The following AXDND1 variants were observed in gnomAD, a reference collection of about 807,000 sequenced individuals.
AXDND1 encodes the protein axonemal dynein light chain domain containing 1.
Under a neutral mutation model 137.5 loss-of-function variants are expected in AXDND1, and 110 were observed. The observed-to-expected ratio is 0.80, with a 90% CI of 0.69 to 0.94. AXDND1 has a LOEUF of 0.94. AXDND1 is among the 40% of genes least tolerant of loss of function. The probability of loss-of-function intolerance (pLI) is 0.00; values close to 1 mark genes in which losing one functional copy is unlikely to be tolerated. For synonymous variants in AXDND1, 414 were observed against 399.7 expected, an observed-to-expected ratio of 1.04 and a Z score of -0.43; for missense variants, 1,191 against 1,169.8, an observed-to-expected ratio of 1.02 and a Z score of -0.26.
chr1:179,422,629 C>A (rs1259913467), intron 12 of AXDND1, among the ~76,000 whole-genome samples: 1 of 152,186 alleles, frequency 6.6e-6, no homozygotes, highest in Non-Finnish European at 1.5e-5. Context: ...GTGAAATGTT[C>A]TGTAAATGTC....
intron 11 of AXDND1, among the ~76,000 whole-genome samples, chr1:179,402,336 T>C (rs983924122): frequency 2.0e-5 from 3 of 152,186 alleles, no homozygotes; most frequent in African/African-American, 7.2e-5. Flanking sequence ...TAGTCTTCTA[T>C]CCTTATACCT....
At position 179,411,184 on chromosome 1, in the gene AXDND1, G is replaced by A; in HGVS notation, c.1148G>A (p.Arg383Lys). 1 of 1,611,132 alleles carries A rather than the reference G, an allele frequency of 6.2e-7. No homozygotes were observed. The highest frequency in any genetic ancestry group is 8.5e-7 in the Non-Finnish European group (1 of 1,178,588). ...TATCATGACTTATATACATTACAAAGAGAAAGGATGGAGAATGATATGAAA... is the reference window on the plus strand; with the variant it reads ...TATCATGACTTATATACATTACAAAAAGAAAGGATGGAGAATGATATGAAA... ...EEYHDLYTLQ[R>K]ERMENDMKKL... The change falls in exon 12 of 26, where the codon AGA becomes AAA. Residue 383 changes from arginine (R) to lysine (K), a missense_variant. Physicochemically the swap from Arg to Lys is conservative, Grantham distance 26. Transcript: ENST00000367618.
At chr1:179,390,687 C>CTTGT (rs5779023) in intron 9 of AXDND1, among the ~76,000 whole-genome samples, 1 of 151,788 alleles carries the variant, frequency 6.6e-6, no homozygotes, top group African/African-American at 2.4e-5. Flanking sequence ...AATTAGGGCT[C>CTTGT]TACAATTTTC....
intron 15 of AXDND1, among the ~76,000 whole-genome samples, chr1:179,435,693 C>T (rs948325574): frequency 1.3e-5 from 2 of 152,116 alleles, no homozygotes; most frequent in African/African-American, 2.4e-5. Flanking sequence ...AAAATTTACT[C>T]AAGATGGATT....
At chr1:179,459,984 T>C (rs1395349260) in intron 16 of AXDND1, among the ~76,000 whole-genome samples, 99 of 143,176 alleles carry the variant, frequency 6.9e-4, no homozygotes, top group African/African-American at 2.4e-3. Flanking sequence ...TTTTTCTTTC[T>C]TTCTTTCCTT....
intron 12 of AXDND1, among the ~76,000 whole-genome samples, chr1:179,412,065 A>G (rs1305939796): frequency 1.3e-5 from 2 of 152,048 alleles, no homozygotes; most frequent in African/African-American, 2.4e-5. Context: ...TGCCCTGGAT[A>G]GTCTTGAACT....
At position 179,554,522 on chromosome 1, in the gene AXDND1, C is replaced by T; in HGVS notation, c.*3C>T. 6.2e-7 allele frequency: 1 copy of T among 1,614,134 alleles called. No homozygotes were observed. The highest frequency in any genetic ancestry group is 1.3e-5 in the African/African-American group (1 of 75,020). On this transcript the variant is annotated 3_prime_UTR_variant, in exon 26 of 26. Coordinates refer to ENST00000367618, the MANE Select transcript of AXDND1 (RefSeq NM_144696.6). ...ATTCCCCAAATACAGGTCACTGAAT[C>T]CAAGGCAACCTGTGGAAAGAAGAAT...
chr1:179,433,657 A>G (rs984846646), intron 15 of AXDND1, among the ~76,000 whole-genome samples: 1 of 152,160 alleles, frequency 6.6e-6, no homozygotes, highest in South Asian at 2.1e-4. Flanking sequence ...TTCAATTTCC[A>G]TGCAGTTGTA....
At chr1:179,522,610 A>T (rs1363801721) in intron 21 of AXDND1, among the ~76,000 whole-genome samples, 5 of 151,950 alleles carry the variant, frequency 3.3e-5, no homozygotes, top group Non-Finnish European at 5.9e-5. Context: ...AATCCATGAT[A>T]TATTATTGAG....
At chr1:179,448,327 G>GT in intron 16 of AXDND1, 1 of 742,332 alleles carries the variant, frequency 1.3e-6, no homozygotes, top group Non-Finnish European at 2.5e-6. Context: ...CACAGTCATA[G>GT]AGCACACTAA....
At position 179,412,580 on chromosome 1, in the gene AXDND1, G is replaced by A. The variant is rs146371776; in HGVS notation, c.1230+1314G>A. Among the ~76,000 whole-genome samples the A allele has an allele frequency of 2.6e-5, 4 of 152,160 alleles. No homozygotes were observed. The East Asian group carries it at 7.7e-4, about 29-fold the overall frequency. On this transcript the variant is annotated intron_variant, in intron 12 of 25. Coordinates refer to ENST00000367618, the MANE Select transcript of AXDND1 (RefSeq NM_144696.6). The stretch of plus-strand genomic sequence containing the variant: ...ATACTAGATAGTGGAATCAAGGCTT[G>A]TTATTTAGGAAAGTTCATTTACTTA...
Position 179,378,676 on chromosome 1 carries a change from A to G in AXDND1, c.414A>G (p.Gly138=), listed in dbSNP as rs753543979. Residue 138 remains glycine, a synonymous_variant, in exon 5 of 26, where the codon GGA becomes GGG. Transcript: ENST00000367618. The part of the protein sequence containing the change: ...SFLYDVTYAK[G]QTREKAVCPP... ...TGTACGATGTAACATATGCCAAAGG[A>G]CAGACTAGGGAGAAGGCAGTTTGTC... 1 of 1,597,432 alleles carries G rather than the reference A, an allele frequency of 6.3e-7. No homozygotes were observed. Among genetic ancestry groups the G allele is most frequent in the East Asian group, 2.3e-5 (1 of 44,068 alleles).
rs1558256571 is a variant in AXDND1, at chr1:179,488,641, T to TTCTTTCTTTC, written c.2092-2895_2092-2886dup. The stretch of plus-strand genomic sequence containing the variant: ...CTTTCTCTCTCTCTCTCTCCTTTCT[T>TTCTTTCTTTC]TCTTTCTTTCTTTCTTTCTTTCTTT... On this transcript the variant is annotated intron_variant, in intron 18 of 25. Coordinates refer to ENST00000367618, the MANE Select transcript of AXDND1 (RefSeq NM_144696.6). 2.3e-3 allele frequency among the ~76,000 whole-genome samples: 105 copies of TTCTTTCTTTC among 46,578 alleles called. 12 individuals are homozygous for TTCTTTCTTTC. The highest frequency in any genetic ancestry group is 3.4e-3 in the African/African-American group (40 of 11,678). 30.6% of individuals were successfully genotyped at this position (46,578 alleles called of 152,430 possible).
Position 179,393,891 on chromosome 1 carries a change from T to G in AXDND1, c.864-12T>G, listed in dbSNP as rs1043314459. 3.2e-6 allele frequency: 5 copies of G among 1,571,576 alleles called. No homozygotes were observed. Among genetic ancestry groups the G allele is most frequent in the African/African-American group, 1.4e-5 (1 of 72,326 alleles). ...ATCAGATCTAGGAGCTTTTTGGTTG[T>G]TTGTCATGCAGAGAGAGGTATGTGC... On this transcript the variant is annotated splice_polypyrimidine_tract_variant and intron_variant, in intron 9 of 25. Coordinates refer to ENST00000367618, the MANE Select transcript of AXDND1 (RefSeq NM_144696.6).
chr1:179,463,597 T>C (rs985383875), intron 16 of AXDND1, among the ~76,000 whole-genome samples: 3 of 152,212 alleles, frequency 2.0e-5, no homozygotes, highest in Non-Finnish European at 4.4e-5. Flanking sequence ...TATATTCTGT[T>C]GATTTGGGGT....
At chr1:179,367,566 G>A (rs568634420) in intron 2 of AXDND1, among the ~76,000 whole-genome samples, 2 of 151,094 alleles carry the variant, frequency 1.3e-5, no homozygotes, top group African/African-American at 2.4e-5. Flanking sequence ...GTGAAACCCG[G>A]TCTCTACTAA....
chr1:179,501,057 C>A (rs534166920), intron 20 of AXDND1, among the ~76,000 whole-genome samples: 61 of 152,298 alleles, frequency 4.0e-4, no homozygotes, highest in Non-Finnish European at 7.9e-4. Flanking sequence ...TACCAGGGAT[C>A]ATATTGGACC....
chr1:179,485,976 A>T (rs989844934), intron 18 of AXDND1, among the ~76,000 whole-genome samples: 4 of 151,956 alleles, frequency 2.6e-5, no homozygotes, highest in Non-Finnish European at 4.4e-5. Context: ...AAAATTAGCT[A>T]GGCATGGTGG....
chr1:179,419,123 A>G (rs1447266123), intron 12 of AXDND1, among the ~76,000 whole-genome samples: 1 of 146,184 alleles, frequency 6.8e-6, no homozygotes, highest in Non-Finnish European at 1.5e-5. Context: ...GACGCTCCTC[A>G]CTTTCCAGAC....
Sources: allele counts gnomAD v4.1 joint callset (sites outside exome capture counted in the v4.1 genomes callset), GRCh38; gene constraint gnomAD v4.1.1; transcripts MANE v1.5; gene names NCBI Gene and HGNC (gene_info 2026-07-23, HGNC 2026-07-21).